The following CSMD1 variants were observed in gnomAD, a reference collection of about 807,000 sequenced individuals.
CSMD1 encodes the protein CUB and sushi domain-containing protein 1.
Under a neutral mutation model 417.5 loss-of-function variants are expected in CSMD1, and 213 were observed. The observed-to-expected ratio is 0.51, with a 90% confidence interval of 0.46 to 0.57. CSMD1 has a LOEUF of 0.57. CSMD1 is among the 20% of genes least tolerant of loss of function. The pLI is 0.00. For missense variants in CSMD1, 6,923 were observed against 4,529.7 expected (o/e 1.53, Z -15.17); for synonymous variants, 2,862 against 1,736.8 (o/e 1.65, Z -16.11).
chr8:4,256,212 G>C (rs972272776), intron 3 of CSMD1, among the ~76,000 whole-genome samples: 1 of 152,190 alleles, frequency 6.6e-6, no homozygotes, highest in South Asian at 2.1e-4. Flanking sequence ...CTTACTCAAA[G>C]TAAGTGCATT....
intron 16 of CSMD1, among the ~76,000 whole-genome samples, chr8:3,397,167 G>A (rs372570726): frequency 2.0e-5 from 3 of 152,152 alleles, no homozygotes; most frequent in African/African-American, 4.8e-5. Flanking sequence ...TCCTCGAAGA[G>A]CTAACCCGGT....
chr8:4,207,796 A>G (rs1245994439), intron 3 of CSMD1, among the ~76,000 whole-genome samples: 2 of 152,170 alleles, frequency 1.3e-5, no homozygotes, highest in Admixed American at 6.5e-5. Flanking sequence ...GGCAATAGCA[A>G]AAGTTACAAT....
At chr8:3,716,529 G>C (rs934221069) in intron 6 of CSMD1, among the ~76,000 whole-genome samples, 4 of 152,216 alleles carry the variant, frequency 2.6e-5, no homozygotes, top group Non-Finnish European at 4.4e-5. Flanking sequence ...GAGTGCAGCA[G>C]TGAGGATGGC....
intron 2 of CSMD1, among the ~76,000 whole-genome samples, chr8:4,548,158 T>C (rs998394776): frequency 1.3e-5 from 2 of 152,238 alleles, no homozygotes; most frequent in African/African-American, 4.8e-5. Context: ...ATGTCTAGGA[T>C]TGGAGACTCC....
chr8:3,871,419 T>G (rs951435387), intron 5 of CSMD1, among the ~76,000 whole-genome samples: 1 of 152,180 alleles, frequency 6.6e-6, no homozygotes, highest in African/African-American at 2.4e-5. Flanking sequence ...ATTATTTTCC[T>G]TTAACATGCA....
At chr8:4,623,679 T>C (rs939908815) in intron 2 of CSMD1, among the ~76,000 whole-genome samples, 1 of 152,118 alleles carries the variant, frequency 6.6e-6, no homozygotes, top group Non-Finnish European at 1.5e-5. Flanking sequence ...TGAAGAAATG[T>C]GGATGGACCT....
chr8:3,712,610 C>G (rs1363441807), intron 6 of CSMD1, among the ~76,000 whole-genome samples: 5 of 152,184 alleles, frequency 3.3e-5, no homozygotes, highest in African/African-American at 1.2e-4. Context: ...CAAAACATAG[C>G]TTTTGTGTCT....
At chr8:3,996,462 C>A (rs1384805921) in intron 5 of CSMD1, among the ~76,000 whole-genome samples, 2 of 151,468 alleles carry the variant, frequency 1.3e-5, no homozygotes, top group African/African-American at 4.9e-5. Context: ...TTTAGCACAG[C>A]CTCTCTTTTT....
At chr8:3,223,699 T>C in intron 28 of CSMD1, 30 bp downstream of exon 28, 1 of 1,610,046 alleles carries the variant, frequency 6.2e-7, no homozygotes, top group Non-Finnish European at 8.5e-7. Context: ...AAAATCCTAC[T>C]AAAAAGAGGT....
chr8:4,764,895 C>CAAAACAAAAAAAAAAAAAAA (rs763804321), intron 1 of CSMD1, among the ~76,000 whole-genome samples: 1 of 30,568 alleles, frequency 3.3e-5, no homozygotes, highest in African/African-American at 1.3e-4. Flanking sequence ...AAAAAAAAAA[C>CAAAACAAAAAAAAAAAAAAA]AACAACAACA....
chr8:4,470,220 A>T (rs774131156), intron 2 of CSMD1, among the ~76,000 whole-genome samples: 6 of 151,834 alleles, frequency 4.0e-5, no homozygotes, highest in Admixed American at 1.3e-4. Flanking sequence ...CTGGCCTCTG[A>T]TATTTTTCAG....
At chr8:3,757,940 G>A (rs532401179) in intron 5 of CSMD1, among the ~76,000 whole-genome samples, 2 of 151,946 alleles carry the variant, frequency 1.3e-5, no homozygotes, top group Non-Finnish European at 2.9e-5. Flanking sequence ...GTGTAATTCA[G>A]GTTTAAAAAA....
At chr8:3,588,523 T>C (rs761390371) in intron 8 of CSMD1, among the ~76,000 whole-genome samples, 6 of 152,104 alleles carry the variant, frequency 3.9e-5, no homozygotes, top group African/African-American at 9.7e-5. Flanking sequence ...TAGCAAGCAC[T>C]ATATTTCAAC....
rs145889828 is a variant in CSMD1 at position 3,640,023 on chromosome 8, G to A, written c.1010-23226C>T. On this transcript the variant is annotated intron_variant, in intron 7 of 69. Coordinates refer to ENST00000635120, the MANE Select transcript of CSMD1 (RefSeq NM_033225.6). The stretch of plus-strand genomic sequence containing the variant: ...AGTAGGTGCTCAATAAATGTTTGTC[G>A]GAGAAATGAATTAATGCATGCATTA... 1.0e-3 allele frequency among the ~76,000 whole-genome samples: 157 copies of A among 152,238 alleles called. 1 individual carries two copies. In the East Asian group the frequency reaches 0.02, roughly 20 times the overall value.
chr8:3,243,022 G>A (rs1033580693), intron 26 of CSMD1, among the ~76,000 whole-genome samples: 1 of 152,050 alleles, frequency 6.6e-6, no homozygotes, highest in Admixed American at 6.5e-5. Context: ...TTGAGTCCAC[G>A]GATAAAACGT....
chr8:3,955,844 A>C (rs1302931133), intron 5 of CSMD1, among the ~76,000 whole-genome samples: 1 of 152,170 alleles, frequency 6.6e-6, no homozygotes, highest in East Asian at 1.9e-4. Context: ...CCCCTGCCAC[A>C]CTGAGATCTC....
At chr8:3,975,254 C>T (rs1201077348) in intron 5 of CSMD1, among the ~76,000 whole-genome samples, 3 of 152,122 alleles carry the variant, frequency 2.0e-5, no homozygotes, top group South Asian at 2.1e-4. Flanking sequence ...CGTTATTTAT[C>T]AGTATGAGAG....
chr8:4,274,824 C>A (rs182520195), intron 3 of CSMD1, among the ~76,000 whole-genome samples: 64 of 152,182 alleles, frequency 4.2e-4, no homozygotes, highest in African/African-American at 1.4e-3. Flanking sequence ...TTTATGACTG[C>A]TTTGCTTTGA....
rs1325124194 is a variant in CSMD1 at position 2,962,429 on chromosome 8, C to T, written c.9628+37G>A. 7 of 1,571,634 alleles carry T rather than the reference C, an allele frequency of 4.5e-6. No individual in the cohort carries two copies. In the African/African-American group the frequency reaches 5.4e-5, roughly 12 times the overall value. ...AATGAAGCGTCCTCATCTCCAAATA[C>T]TCCCAGGTATCCCCAGAGCTGTATG... On this transcript the variant is annotated intron_variant, in intron 61 of 69. Transcript: ENST00000635120.
Sources: allele counts gnomAD v4.1 joint callset (sites outside exome capture counted in the v4.1 genomes callset), GRCh38; gene constraint gnomAD v4.1.1; transcripts MANE v1.5; gene names NCBI Gene and HGNC (gene_info 2026-07-23, HGNC 2026-07-21).